MPPE1: variants seen among roughly 807,000 people sequenced by gnomAD.
The protein encoded by MPPE1 is metallo phosphoesterase.
Under a neutral mutation model 43.8 loss-of-function variants are expected in MPPE1, and 28 were observed. The ratio of observed to expected loss-of-function variants is 0.64; its 90% confidence interval spans 0.47 to 0.88. The LOEUF (loss-of-function observed/expected upper bound fraction) is 0.88, where lower values mean the gene tolerates loss of function less well. Among genes scored for constraint, MPPE1 ranks in the 40% least tolerant of loss-of-function variants. MPPE1 has a pLI of 0.00. For synonymous variants in MPPE1, 159 were observed against 188.5 expected (o/e 0.84, Z 1.28); for missense variants, 428 against 492.2 (o/e 0.87, Z 1.23).
At chr18:11,893,420 T>G in intron 4 of MPPE1, 48 bp downstream of exon 4, 2 of 1,317,492 alleles carry the variant, frequency 1.5e-6, no homozygotes, top group Non-Finnish European at 2.2e-6. Flanking sequence ...GGGATACTTG[T>G]GCTGGACCTC....
At chr18:11,897,390 C>A in intron 2 of MPPE1, 34 bp from the exon 3 acceptor site, 1 of 848,800 alleles carries the variant, frequency 1.2e-6, no homozygotes. Context: ...AGTTATGTTC[C>A]CTAATAATAC....
At chr18:11,889,021 T>C (rs1046983641) in intron 5 of MPPE1, among the ~76,000 whole-genome samples, 1 of 152,198 alleles carries the variant, frequency 6.6e-6, no homozygotes, top group South Asian at 2.1e-4. Flanking sequence ...TGTTAATATA[T>C]GGAAGTAAAG....
intron 3 of MPPE1, among the ~76,000 whole-genome samples, chr18:11,893,820 G>C (rs895724884): frequency 2.0e-5 from 3 of 152,118 alleles, no homozygotes; most frequent in Non-Finnish European, 4.4e-5. Context: ...GTGGTGTGCA[G>C]GAACAGGCCC....
intron 3 of MPPE1, among the ~76,000 whole-genome samples, chr18:11,895,766 C>T (rs79304835): frequency 0.051 from 7,683 of 152,072 alleles, 356 homozygotes; most frequent in African/African-American, 0.13. Context: ...GGTCTTGCCA[C>T]GTTGCCCAGG....
chr18:11,895,447 T>C (rs1448466503), intron 3 of MPPE1, among the ~76,000 whole-genome samples: 1 of 152,148 alleles, frequency 6.6e-6, no homozygotes, highest in Non-Finnish European at 1.5e-5. Flanking sequence ...GATTTTTAGA[T>C]CCCAAGTGAA....
At chr18:11,899,825 G>C (rs1214843310) in intron 2 of MPPE1, among the ~76,000 whole-genome samples, 1 of 152,142 alleles carries the variant, frequency 6.6e-6, no homozygotes, top group African/African-American at 2.4e-5. Context: ...CGTAGGCATG[G>C]AGTCAAGAAC....
chr18:11,903,414 T>G (rs1488850589), intron 2 of MPPE1, among the ~76,000 whole-genome samples: 1 of 152,056 alleles, frequency 6.6e-6, no homozygotes, highest in African/African-American at 2.4e-5. Flanking sequence ...AAGGGCACTG[T>G]GCATGCAGGC....
chr18:11,886,705 C>G lies in MPPE1; in HGVS notation c.744+8G>C. The G allele has an allele frequency of 1.2e-6, 2 of 1,613,816 alleles. No individual in the cohort carries two copies. Among genetic ancestry groups the G allele is most frequent in the East Asian group, 4.5e-5 (2 of 44,886 alleles). ...GTCTGCCATGAGCCCTTTCCTCCCC[C>G]AGCTCACCTGCAGGAGGACAGGGGC... On this transcript the variant is annotated splice_region_variant and intron_variant, in intron 8 of 10. Coordinates refer to ENST00000588072, the MANE Select transcript of MPPE1 (RefSeq NM_023075.6). This position sits in a 1 kb window ranked among gnomAD's most constrained non-coding sequence, Gnocchi z 4.1.
At chr18:11,907,085 G>A (rs1004948093) in intron 1 of MPPE1, among the ~76,000 whole-genome samples, 10 of 152,054 alleles carry the variant, frequency 6.6e-5, no homozygotes, top group African/African-American at 2.2e-4. Flanking sequence ...GGTGGAACTT[G>A]ACACATTTCA....
intron 4 of MPPE1, among the ~76,000 whole-genome samples, chr18:11,889,736 T>G (rs1056263440): frequency 2.0e-5 from 3 of 149,408 alleles, no homozygotes; most frequent in Non-Finnish European, 4.5e-5. Flanking sequence ...CTAACTTATT[T>G]TGTGTGTGTG....
At chr18:11,906,060 A>C (rs2039686148) in intron 2 of MPPE1, 143 bp downstream of exon 2, 1 of 152,230 alleles carries the variant, frequency 6.6e-6, no homozygotes, top group Admixed American at 6.5e-5. Context: ...AGTCTTATTA[A>C]GATCATCAAA....
intron 2 of MPPE1, among the ~76,000 whole-genome samples, chr18:11,900,909 T>TAAAA (rs559247706): frequency 0.011 from 1,383 of 126,168 alleles, 13 homozygotes; most frequent in Middle Eastern, 0.028. Context: ...TCCGTCTCAT[T>TAAAA]AAAAAAAAAA....
At position 11,886,798 on chromosome 18, in the gene MPPE1, C is replaced by A. The variant is rs1292889226; in HGVS notation, c.679-20G>T. The A allele has an allele frequency of 5.0e-6, 8 of 1,609,866 alleles. No individual in the cohort carries two copies. The South Asian group carries it at 7.7e-5, about 16-fold the overall frequency. On this transcript the variant is annotated intron_variant, in intron 7 of 10. Coordinates refer to ENST00000588072, the MANE Select transcript of MPPE1 (RefSeq NM_023075.6). This position sits in a 1 kb window ranked among gnomAD's most constrained non-coding sequence, Gnocchi z 4.1. ...ACGTGCCTGCTGGGTACAAGTCAGG[C>A]CATTAATCCGCACACCTGACCCTCA... is the stretch of plus-strand genomic sequence containing the variant.
chr18:11,885,033 G>A (rs756671150), intron 10 of MPPE1: 32 of 1,294,766 alleles, frequency 2.5e-5, no homozygotes, highest in Non-Finnish European at 3.1e-5. Flanking sequence ...GCTCAACTAA[G>A]CATCTGTTCC....
chr18:11,895,985 G>A (rs773906948), intron 3 of MPPE1, among the ~76,000 whole-genome samples: 3 of 151,666 alleles, frequency 2.0e-5, no homozygotes, highest in Non-Finnish European at 2.9e-5. Context: ...CAATTTGTAA[G>A]ACCAAGACAC....
chr18:11,889,905 A>G (rs572486053), intron 4 of MPPE1, among the ~76,000 whole-genome samples: 2 of 149,996 alleles, frequency 1.3e-5, no homozygotes, highest in East Asian at 2.0e-4. Flanking sequence ...AAGTGAATGA[A>G]TTCCCCTGTT....
chr18:11,887,132 C>T, intron 6 of MPPE1, 107 bp from the exon 7 acceptor site: 1 of 732,424 alleles, frequency 1.4e-6, no homozygotes, highest in Non-Finnish European at 2.2e-6. Context: ...AGAAACAAGC[C>T]CAGAGCAGCT....
chr18:11,888,824 CT>C, intron 5 of MPPE1, 81 bp from the exon 6 acceptor site: 1 of 712,338 alleles, frequency 1.4e-6, no homozygotes. Context: ...CACAAAATAA[CT>C]TTCAACACTT....
intron 1 of MPPE1, among the ~76,000 whole-genome samples, chr18:11,906,675 G>C (rs1460192151): frequency 5.9e-5 from 9 of 151,888 alleles, no homozygotes; most frequent in Admixed American, 5.3e-4. Flanking sequence ...GACCAACATG[G>C]AGAAACCCCG....
Sources: allele counts gnomAD v4.1 joint callset (sites outside exome capture counted in the v4.1 genomes callset), GRCh38; gene constraint gnomAD v4.1.1; non-coding constraint Gnocchi (gnomAD v3.1); transcripts MANE v1.5; gene names NCBI Gene and HGNC (gene_info 2026-07-23, HGNC 2026-07-21).